The following PEX5L variants were observed in gnomAD, a reference collection of about 807,000 sequenced individuals.
The protein encoded by PEX5L is PEX5-related protein.
PEX5L carries 30 observed loss-of-function variants against 84.0 expected under a neutral mutation model. The observed-to-expected ratio is 0.36, with a 90% confidence interval of 0.27 to 0.48. PEX5L has a LOEUF of 0.48. Among genes scored for constraint, PEX5L ranks in the 20% least tolerant of loss-of-function variants. PEX5L has a pLI of 0.99. For synonymous variants in PEX5L, 270 were observed against 283.1 expected (o/e 0.95, Z 0.46); for missense variants, 533 against 754.6 (o/e 0.71, Z 3.44).
intron 2 of PEX5L, among the ~76,000 whole-genome samples, chr3:179,932,815 C>T (rs1229244170): frequency 1.3e-5 from 2 of 152,118 alleles, no homozygotes; most frequent in African/African-American, 4.8e-5. Flanking sequence ...GGAATAGCTT[C>T]ATTAAGTTAG....
chr3:179,899,259 TC>T (rs1418275102), intron 2 of PEX5L, among the ~76,000 whole-genome samples: 2 of 152,122 alleles, frequency 1.3e-5, no homozygotes, highest in East Asian at 3.8e-4. Flanking sequence ...AATTAAATAA[TC>T]CTTAAATACT....
chr3:180,013,680 C>A (rs971485297), intron 1 of PEX5L, among the ~76,000 whole-genome samples: 2 of 151,946 alleles, frequency 1.3e-5, no homozygotes. Context: ...TGTAAGCATT[C>A]GAGACAATTT....
chr3:179,804,300 T>C (rs1390879654), intron 14 of PEX5L: 3 of 152,162 alleles, frequency 2.0e-5, no homozygotes, highest in Admixed American at 2.0e-4. Flanking sequence ...TTCACACATG[T>C]ATGTATAAAT....
chr3:179,942,147 C>T (rs1776309076), intron 2 of PEX5L, among the ~76,000 whole-genome samples: 1 of 152,106 alleles, frequency 6.6e-6, no homozygotes, highest in Non-Finnish European at 1.5e-5. Flanking sequence ...CTGTTGCCGT[C>T]TGTATGTACT....
At chr3:179,894,059 C>T (rs1183821913) in intron 3 of PEX5L, among the ~76,000 whole-genome samples, 4 of 151,826 alleles carry the variant, frequency 2.6e-5, no homozygotes, top group Non-Finnish European at 5.9e-5. Context: ...CCACTTCACC[C>T]GACTCTGTGA....
intron 14 of PEX5L, chr3:179,804,381 CTT>C (rs1303174294): frequency 6.6e-6 from 1 of 152,106 alleles, no homozygotes; most frequent in African/African-American, 2.4e-5. Flanking sequence ...CACGTTATAG[CTT>C]TCCCTCATTA....
At chr3:179,857,629 C>G (rs1219736547) in intron 8 of PEX5L, among the ~76,000 whole-genome samples, 1 of 152,096 alleles carries the variant, frequency 6.6e-6, no homozygotes, top group African/African-American at 2.4e-5. Context: ...GTAATTAAGT[C>G]TTTTGAATGT....
intron 2 of PEX5L, among the ~76,000 whole-genome samples, chr3:179,912,814 G>T (rs1289209598): frequency 6.6e-6 from 1 of 151,972 alleles, no homozygotes. Context: ...AGGAAAAAAT[G>T]ACAAGCAAAC....
At chr3:179,814,054 G>C (rs1725080161) in intron 10 of PEX5L, among the ~76,000 whole-genome samples, 1 of 148,502 alleles carries the variant, frequency 6.7e-6, no homozygotes. Flanking sequence ...CTCCTGGCTT[G>C]AACTGATCCT....
chr3:179,961,986 G>A (rs1310131310), intron 2 of PEX5L, among the ~76,000 whole-genome samples: 2 of 51,598 alleles, frequency 3.9e-5, no homozygotes. Context: ...TCAACAGGGA[G>A]GAAACACTTT....
intron 10 of PEX5L, among the ~76,000 whole-genome samples, chr3:179,813,664 ATTTTTTTTT>A (rs35351586): frequency 1.0e-5 from 1 of 96,420 alleles, no homozygotes; most frequent in Admixed American, 1.2e-4. Context: ...CACTCAACTA[ATTTTTTTTT>A]TTTTTTTTTT....
chr3:180,010,246 C>CTTTTTTTTTTTTTTTTTTTTGTT (rs1178375452), intron 1 of PEX5L, among the ~76,000 whole-genome samples: 1 of 105,180 alleles, frequency 9.5e-6, no homozygotes, highest in Non-Finnish European at 1.9e-5. Context: ...CACCCGGCCT[C>CTTTTTTTTTTTTTTTTTTTTGTT]TTTTTTTTTT....
intron 3 of PEX5L, among the ~76,000 whole-genome samples, chr3:179,893,291 T>A (rs1758156965): frequency 6.6e-6 from 1 of 152,206 alleles, no homozygotes; most frequent in Non-Finnish European, 1.5e-5. Flanking sequence ...TATCTGAAAC[T>A]ACATTTGCTT....
chr3:180,000,507 C>G (rs898597581), intron 1 of PEX5L, among the ~76,000 whole-genome samples: 1 of 152,110 alleles, frequency 6.6e-6, no homozygotes, highest in Non-Finnish European at 1.5e-5. Flanking sequence ...AAAAAAACCA[C>G]GACCTGCTGA....
chr3:179,828,263 A>G (rs1398094), intron 8 of PEX5L, among the ~76,000 whole-genome samples: 84,791 of 151,918 alleles, frequency 0.56, 24,214 homozygotes, highest in East Asian at 0.73. Flanking sequence ...TAGTTCCTGA[A>G]TAAAATCTGC....
chr3:179,926,388 C>T (rs1258212298), intron 2 of PEX5L, among the ~76,000 whole-genome samples: 1 of 152,172 alleles, frequency 6.6e-6, no homozygotes, highest in Non-Finnish European at 1.5e-5. Context: ...GCCACACTTG[C>T]TGTTCTTGGA....
At chr3:180,011,853 A>C (rs1048553724) in intron 1 of PEX5L, among the ~76,000 whole-genome samples, 1 of 152,174 alleles carries the variant, frequency 6.6e-6, no homozygotes, top group Non-Finnish European at 1.5e-5. Flanking sequence ...AAAGACTGAA[A>C]AGAGCAAGAG....
intron 2 of PEX5L, among the ~76,000 whole-genome samples, chr3:179,968,697 CTGTGTG>C (rs67094806): frequency 2.1e-5 from 3 of 144,076 alleles, no homozygotes; most frequent in East Asian, 2.1e-4. Context: ...ATTTAAATGA[CTGTGTG>C]TGTGTGTGTG....
intron 6 of PEX5L, 54 bp from the exon 7 acceptor site, chr3:179,874,477 T>C (rs373493807): frequency 1.7e-4 from 161 of 937,644 alleles, no homozygotes; most frequent in Middle Eastern, 1.1e-3. Flanking sequence ...AATTAAGCTA[T>C]AAATCCAGCC....
Sources: allele counts gnomAD v4.1 joint callset (sites outside exome capture counted in the v4.1 genomes callset), GRCh38; gene constraint gnomAD v4.1.1; transcripts MANE v1.5; gene names NCBI Gene and HGNC (gene_info 2026-07-23, HGNC 2026-07-21).